The following XRCC4 variants were observed in gnomAD, a reference collection of about 807,000 sequenced individuals.
The protein encoded by XRCC4 is DNA repair protein XRCC4.
XRCC4 carries 28 observed loss-of-function variants against 39.1 expected under a neutral mutation model. That is an observed-to-expected ratio of 0.72 (90% confidence interval 0.53 to 0.98). The LOEUF is 0.98. XRCC4 is among the 50% of genes least tolerant of loss of function. The probability of loss-of-function intolerance (pLI) is 0.00; values close to 1 mark genes in which losing one functional copy is unlikely to be tolerated. For synonymous variants in XRCC4, 123 were observed against 126.4 expected (o/e 0.97, Z 0.18); for missense variants, 350 against 376.4 (o/e 0.93, Z 0.58).
At chr5:83,091,461 A>T (rs1745424953) in intron 1 of XRCC4, among the ~76,000 whole-genome samples, 1 of 152,158 alleles carries the variant, frequency 6.6e-6, no homozygotes, top group South Asian at 2.1e-4. Flanking sequence ...ACATCTGGGG[A>T]TTACAATTCG....
At chr5:83,218,880 A>G (rs1284847341) in intron 6 of XRCC4, among the ~76,000 whole-genome samples, 1 of 152,162 alleles carries the variant, frequency 6.6e-6, no homozygotes, top group East Asian at 1.9e-4. Flanking sequence ...TTATCTGTCT[A>G]TATATCTATT....
chr5:83,263,059 T>G (rs1455162972), intron 7 of XRCC4, among the ~76,000 whole-genome samples: 1 of 144,444 alleles, frequency 6.9e-6, no homozygotes, highest in Non-Finnish European at 1.5e-5. Context: ...GTGATCTCAT[T>G]GTTCAACTCC....
At position 83,263,033 on chromosome 5, in the gene XRCC4, C is replaced by A. The variant is rs565827736; in HGVS notation, c.893+4356C>A. Among the ~76,000 whole-genome samples, 119 of 142,568 alleles carry A rather than the reference C, an allele frequency of 8.3e-4. 2 individuals are homozygous for A. Among genetic ancestry groups the A allele is most frequent in the Non-Finnish European group, 8.0e-4 (53 of 66,032 alleles). The allele number at this position is 142,568 out of a possible 152,430, so 93.5% of individuals were successfully genotyped here. Reference sequence around the variant, plus strand: ...CCACAGTCCCCAGAGTGTAGTATTCCCCTTCCTGTGTCCATGTGATCTCAT... The same window carrying A: ...CCACAGTCCCCAGAGTGTAGTATTCACCTTCCTGTGTCCATGTGATCTCAT... On this transcript the variant is annotated intron_variant, in intron 7 of 7. Coordinates refer to ENST00000396027, the MANE Select transcript of XRCC4 (RefSeq NM_003401.5).
intron 3 of XRCC4, among the ~76,000 whole-genome samples, chr5:83,191,867 G>T (rs1750710996): frequency 6.6e-6 from 1 of 152,104 alleles, no homozygotes. Flanking sequence ...CCAGTCTCAG[G>T]TATGTCTTTA....
intron 4 of XRCC4, among the ~76,000 whole-genome samples, chr5:83,200,841 GT>G (rs997630202): frequency 2.0e-5 from 3 of 151,974 alleles, no homozygotes; most frequent in Non-Finnish European, 2.9e-5. Context: ...TTTTTGTTGT[GT>G]TTTTTTGAAA....
intron 3 of XRCC4, among the ~76,000 whole-genome samples, chr5:83,168,518 A>G (rs976232744): frequency 1.3e-5 from 2 of 152,228 alleles, no homozygotes; most frequent in African/African-American, 4.8e-5. Flanking sequence ...GGTTACTACT[A>G]TAATGGAAGG....
At chr5:83,344,769 T>C (rs1397044862) in intron 7 of XRCC4, among the ~76,000 whole-genome samples, 1 of 152,216 alleles carries the variant, frequency 6.6e-6, no homozygotes. Context: ...GGAATGTACC[T>C]ATGAGTAGAA....
At chr5:83,329,709 C>T (rs968493331) in intron 7 of XRCC4, among the ~76,000 whole-genome samples, 21 of 152,054 alleles carry the variant, frequency 1.4e-4, no homozygotes, top group African/African-American at 5.1e-4. Context: ...ACCAAAGGTG[C>T]ACAACTTTAA....
chr5:83,259,017 G>A, intron 7 of XRCC4: 1 of 196,318 alleles, frequency 5.1e-6, no homozygotes, highest in East Asian at 1.7e-4. Context: ...AGACCCGTAT[G>A]GCATTCAAAT....
At chr5:83,334,256 C>T (rs1377148670) in intron 7 of XRCC4, among the ~76,000 whole-genome samples, 1 of 152,056 alleles carries the variant, frequency 6.6e-6, no homozygotes, top group Admixed American at 6.6e-5. Flanking sequence ...ATGCTACTCT[C>T]TTGGTTGTAA....
chr5:83,157,245 A>G (rs889882143), intron 3 of XRCC4, among the ~76,000 whole-genome samples: 1 of 152,110 alleles, frequency 6.6e-6, no homozygotes, highest in Non-Finnish European at 1.5e-5. Flanking sequence ...GAGGTCATTC[A>G]GTGGAAGGTC....
chr5:83,294,367 A>T (rs1355102925), intron 7 of XRCC4, among the ~76,000 whole-genome samples: 1 of 152,080 alleles, frequency 6.6e-6, no homozygotes, highest in Non-Finnish European at 1.5e-5. Flanking sequence ...AACAAAAAAT[A>T]TAAAGTTATG....
intron 7 of XRCC4, among the ~76,000 whole-genome samples, chr5:83,335,258 C>T (rs925080592): frequency 1.3e-5 from 2 of 151,574 alleles, no homozygotes; most frequent in Non-Finnish European, 3.0e-5. Flanking sequence ...TATATGGTGG[C>T]CTGATATAGC....
At chr5:83,205,271 T>C (rs1751374049) in intron 6 of XRCC4, among the ~76,000 whole-genome samples, 1 of 152,120 alleles carries the variant, frequency 6.6e-6, no homozygotes, top group Non-Finnish European at 1.5e-5. Flanking sequence ...GAGATCTTAT[T>C]TAGCTAAAGC....
intron 6 of XRCC4, among the ~76,000 whole-genome samples, chr5:83,239,656 C>T (rs1208717543): frequency 5.7e-5 from 8 of 141,264 alleles, no homozygotes; most frequent in Middle Eastern, 3.4e-3. Context: ...GGTGAAACCC[C>T]GTCTCTACTA....
intron 7 of XRCC4, among the ~76,000 whole-genome samples, chr5:83,309,025 A>G (rs902945240): frequency 8.6e-5 from 13 of 151,798 alleles, no homozygotes; most frequent in African/African-American, 3.1e-4. Context: ...CACGCCTGTA[A>G]TCCCAGCACT....
At chr5:83,176,999 C>G (rs1749988849) in intron 3 of XRCC4, among the ~76,000 whole-genome samples, 1 of 152,024 alleles carries the variant, frequency 6.6e-6, no homozygotes. Context: ...ATATTTGTTT[C>G]TTAATATTAT....
chr5:83,096,224 G>A (rs2112337207), intron 1 of XRCC4, among the ~76,000 whole-genome samples: 2 of 152,256 alleles, frequency 1.3e-5, no homozygotes, highest in South Asian at 4.1e-4. Context: ...GATCTGCTGT[G>A]GGATAGAGGG....
At chr5:83,124,210 G>A (rs966510340) in intron 3 of XRCC4, among the ~76,000 whole-genome samples, 4 of 152,072 alleles carry the variant, frequency 2.6e-5, no homozygotes, top group African/African-American at 7.2e-5. Flanking sequence ...ACCATAGTCA[G>A]GGTACAGAAC....
Sources: gnomAD v4.1 joint callset for allele counts (sites outside exome capture counted in the v4.1 genomes callset) on GRCh38, gnomAD v4.1.1 for gene constraint, MANE v1.5 for transcripts, NCBI Gene and HGNC (gene_info 2026-07-23, HGNC 2026-07-21) for gene names.